PLEKHA7: variants seen among roughly 807,000 people sequenced by gnomAD.
The protein encoded by PLEKHA7 is pleckstrin homology domain-containing family A member 7.
In PLEKHA7, 104 loss-of-function variants were observed where a neutral mutation model predicts 170.0. That is an observed-to-expected ratio of 0.61 (90% CI 0.52 to 0.72). The LOEUF (loss-of-function observed/expected upper bound fraction) is 0.72, where lower values mean the gene tolerates loss of function less well. Ranked by LOEUF, PLEKHA7 falls within the 30% of genes least tolerant of loss-of-function variation. PLEKHA7 has a pLI of 0.00. For missense variants in PLEKHA7, 1,615 were observed against 1,671.7 expected (o/e 0.97, Z 0.59); for synonymous variants, 648 against 660.8 (o/e 0.98, Z 0.30).
intron 10 of PLEKHA7, among the ~76,000 whole-genome samples, chr11:16,820,961 G>A (rs1392096005): frequency 6.6e-6 from 1 of 152,140 alleles, no homozygotes; most frequent in African/African-American, 2.4e-5. Context: ...GACCCCATGC[G>A]AGCAAGTGGG....
chr11:16,930,894 C>A (rs948940554), intron 3 of PLEKHA7, among the ~76,000 whole-genome samples: 1 of 152,096 alleles, frequency 6.6e-6, no homozygotes, highest in Non-Finnish European at 1.5e-5. Context: ...TGCCTTAGAA[C>A]CAGGCAACAG....
At chr11:16,847,702 C>T (rs991628357) in intron 8 of PLEKHA7, among the ~76,000 whole-genome samples, 8 of 151,954 alleles carry the variant, frequency 5.3e-5, no homozygotes, top group South Asian at 4.2e-4. Context: ...ATTAGCTGGG[C>T]GCAGTGGCAG....
chr11:16,988,541 G>A (rs71484745), intron 3 of PLEKHA7, among the ~76,000 whole-genome samples: 7,671 of 152,180 alleles, frequency 0.05, 366 homozygotes, highest in East Asian at 0.14. Flanking sequence ...CTGCCTCCTG[G>A]GTTCAAGCGA....
intron 3 of PLEKHA7, among the ~76,000 whole-genome samples, chr11:16,978,541 T>A (rs1039753372): frequency 2.6e-5 from 4 of 152,264 alleles, no homozygotes; most frequent in African/African-American, 9.6e-5. Context: ...TTTCATTTGA[T>A]GTACATGTGT....
intron 3 of PLEKHA7, among the ~76,000 whole-genome samples, chr11:16,900,373 C>G (rs1857254653): frequency 6.6e-6 from 1 of 152,158 alleles, no homozygotes; most frequent in African/African-American, 2.4e-5. Flanking sequence ...AAGGAAGACA[C>G]TAGAGTGAAT....
intron 3 of PLEKHA7, among the ~76,000 whole-genome samples, chr11:16,993,554 T>C (rs1284279557): frequency 6.6e-6 from 1 of 152,134 alleles, no homozygotes. Flanking sequence ...TACGTGAGTA[T>C]AGAAATGAGC....
chr11:16,832,392 T>C (rs1270362040), intron 9 of PLEKHA7, among the ~76,000 whole-genome samples: 1 of 152,236 alleles, frequency 6.6e-6, no homozygotes, highest in Non-Finnish European at 1.5e-5. Flanking sequence ...TTTGTCTGTT[T>C]AGAGCAAATT....
In PLEKHA7 at chr11:16,778,868, T is replaced by C; in HGVS notation, c.*130A>G. ...GCCTGTGGTGAACACCCGCAGTCGG[T>C]AAGCTGCTCCTTCCTCCGGCCGGAT... On this transcript the variant is annotated 3_prime_UTR_variant, in exon 27 of 27. Coordinates refer to ENST00000531066, the MANE Select transcript of PLEKHA7 (RefSeq NM_001329630.2). The C allele has an allele frequency of 1.5e-6, 1 of 689,648 alleles. No individual in the cohort carries two copies. The highest frequency in any genetic ancestry group is 2.0e-5 in the Admixed American group (1 of 49,508). 42.7% of individuals were successfully genotyped at this position (689,648 alleles called of 1,614,324 possible).
chr11:16,858,182 T>G (rs1389455692), intron 4 of PLEKHA7, among the ~76,000 whole-genome samples: 1 of 152,242 alleles, frequency 6.6e-6, no homozygotes, highest in Non-Finnish European at 1.5e-5. Context: ...ACTTCCATTC[T>G]TTTTATATGC....
In PLEKHA7 at chr11:16,943,316, C is replaced by T. The variant is rs113256588; in HGVS notation, c.221+70673G>A. 4.3e-3 allele frequency among the ~76,000 whole-genome samples: 656 copies of T among 151,882 alleles called. 5 individuals are homozygous for T. Among genetic ancestry groups the T allele is most frequent in the African/African-American group, 0.015 (615 of 41,362 alleles). On this transcript the variant is annotated intron_variant, in intron 3 of 26. Transcript: ENST00000531066. ...CTGGGTGTATTTCACATTGACAGCA[C>T]ATCTTAACCCAGACTAGCTGAATTT...
intron 9 of PLEKHA7, among the ~76,000 whole-genome samples, chr11:16,833,092 TTTC>T (rs1225945521): frequency 6.6e-6 from 1 of 152,088 alleles, no homozygotes; most frequent in Admixed American, 6.5e-5. Context: ...AGGGAGTTAG[TTTC>T]TTCTTTTCCC....
chr11:16,990,415 C>T (rs1863978342), intron 3 of PLEKHA7, among the ~76,000 whole-genome samples: 1 of 152,036 alleles, frequency 6.6e-6, no homozygotes, highest in Non-Finnish European at 1.5e-5. Flanking sequence ...CGTACCTCAC[C>T]ATCTGTGCTA....
rs753924149 is a variant in PLEKHA7, at chr11:16,789,133, C to T, written c.3320G>A (p.Arg1107His). 24 of 1,608,614 alleles carry T rather than the reference C, an allele frequency of 1.5e-5. No homozygotes were observed. Among genetic ancestry groups the T allele is most frequent in the Middle Eastern group, 1.7e-4 (1 of 5,994 alleles). ...QGERTGLPSS[R>H]YLSRPLPGDL... is the part of the protein sequence containing the mutation. ...TCCAGGGAGCGGCCGGCTGAGGTAG[C>T]GAGATGAGGGCAGGCCCGTCCTCTC... The change falls in exon 23 of 27, where the codon CGC becomes CAC. Residue 1107 changes from arginine to histidine, a missense_variant. By Grantham distance (29) the Arg-to-His change is conservative (BLOSUM62 0). Transcript: ENST00000531066. The surrounding 1 kb of genome is among the most constrained non-coding windows in gnomAD (Gnocchi z 4.6).
intron 3 of PLEKHA7, among the ~76,000 whole-genome samples, chr11:16,889,874 G>A (rs145354537): frequency 1.1e-3 from 171 of 152,228 alleles, no homozygotes; most frequent in African/African-American, 3.8e-3. Context: ...AAGTCAACAT[G>A]AAGGAAAAAA....
At position 16,816,254 on chromosome 11, in the gene PLEKHA7, T is replaced by A. The variant is rs749209608; in HGVS notation, c.1877A>T (p.His626Leu). 1.9e-6 allele frequency: 3 copies of A among 1,611,998 alleles called. No homozygotes were observed. Among genetic ancestry groups the A allele is most frequent in the Non-Finnish European group, 2.5e-6 (3 of 1,178,320 alleles). ...GGAGGGCATGGAGCGTCGGTCCACA[T>A]GAGATGAGTTCTGCAAGTGGGGAGA... ...ARGHAVKNSS[H>L]VDRRSMPSMG... The change falls in exon 12 of 27, where the codon CAT becomes CTT. Residue 626 changes from histidine to leucine, a missense_variant. His to Leu is a moderately conservative substitution (Grantham distance 99). Transcript: ENST00000531066.
At chr11:16,958,263 GC>G (rs1369343163) in intron 3 of PLEKHA7, among the ~76,000 whole-genome samples, 2 of 152,062 alleles carry the variant, frequency 1.3e-5, no homozygotes, top group Non-Finnish European at 2.9e-5. Context: ...GCTGCAGTGA[GC>G]CATAATCACA....
chr11:16,789,114 G>T lies in PLEKHA7; in HGVS notation c.3339C>A (p.Leu1113=). Residue 1113 remains leucine (L), a synonymous_variant, in exon 23 of 27, where the codon CTC becomes CTA. Coordinates refer to ENST00000531066, the MANE Select transcript of PLEKHA7 (RefSeq NM_001329630.2). The surrounding 1 kb of genome is among the most constrained non-coding windows in gnomAD (Gnocchi z 4.6). ...LPSSRYLSRP[L]PGDLGSWKRE... is the part of the protein sequence containing the mutation. ...AACATACTGAGCCAAGATCTCCAGG[G>T]AGCGGCCGGCTGAGGTAGCGAGATG... 6.2e-7 allele frequency: 1 copy of T among 1,605,006 alleles called. No homozygotes were observed. Among genetic ancestry groups the T allele is most frequent in the East Asian group, 2.2e-5 (1 of 44,870 alleles).
chr11:16,935,094 AC>A (rs1459080567), intron 3 of PLEKHA7, among the ~76,000 whole-genome samples: 1 of 152,252 alleles, frequency 6.6e-6, no homozygotes, highest in African/African-American at 2.4e-5. Flanking sequence ...TGTCAAAGCT[AC>A]TGTGGGGAAA....
intron 24 of PLEKHA7, among the ~76,000 whole-genome samples, chr11:16,784,544 C>T (rs750751118): frequency 6.6e-6 from 1 of 152,216 alleles, no homozygotes; most frequent in Non-Finnish European, 1.5e-5. Context: ...CAAATTTCAC[C>T]TCACCAGCAT....
Sources: allele counts gnomAD v4.1 joint callset (sites outside exome capture counted in the v4.1 genomes callset), GRCh38; gene constraint gnomAD v4.1.1; non-coding constraint Gnocchi (gnomAD v3.1); transcripts MANE v1.5; gene names NCBI Gene and HGNC (gene_info 2026-07-23, HGNC 2026-07-21).